The following KHDRBS3 variants were observed in gnomAD, a reference collection of about 807,000 sequenced individuals.
KHDRBS3 encodes the protein KH RNA binding domain containing, signal transduction associated 3, also known as KH domain-containing, RNA-binding, signal transduction-associated protein 3.
KHDRBS3 carries 23 observed loss-of-function variants against 45.6 expected under a neutral mutation model. The ratio of observed to expected loss-of-function variants is 0.50; its 90% CI spans 0.36 to 0.72. The LOEUF (loss-of-function observed/expected upper bound fraction) is 0.72. KHDRBS3 is among the 30% of genes least tolerant of loss of function. The probability of loss-of-function intolerance (pLI) is 0.00; values close to 1 mark genes in which losing one functional copy is unlikely to be tolerated. For missense variants in KHDRBS3, 352 were observed against 424.8 expected, an observed-to-expected ratio of 0.83 and a Z score of 1.51; for synonymous variants, 162 against 156.5, an observed-to-expected ratio of 1.04 and a Z score of -0.26.
chr8:135,647,332 T>A lies in KHDRBS3; in HGVS notation c.*248T>A. On this transcript the variant is annotated 3_prime_UTR_variant, in exon 9 of 9. Transcript: ENST00000355849. ...TCATCAAAAGGAAAAAAAATAACTT[T>A]GATTAACTAGTGTTAAACAAAAAAT... is the stretch of plus-strand genomic sequence containing the variant. 1 of 308,040 alleles carries A rather than the reference T, an allele frequency of 3.2e-6. No homozygotes were observed. Among genetic ancestry groups the A allele is most frequent in the Non-Finnish European group, 5.9e-6 (1 of 168,804 alleles). 19.1% of individuals were successfully genotyped at this position (308,040 alleles called of 1,614,324 possible).
At chr8:135,608,513 A>G (rs1264450009) in intron 7 of KHDRBS3, among the ~76,000 whole-genome samples, 1 of 152,232 alleles carries the variant, frequency 6.6e-6, no homozygotes, top group Non-Finnish European at 1.5e-5. Flanking sequence ...TGAGGAGATC[A>G]CATAACCAAG....
intron 1 of KHDRBS3, among the ~76,000 whole-genome samples, chr8:135,515,499 T>G (rs1232371112): frequency 1.3e-5 from 2 of 150,586 alleles, no homozygotes; most frequent in Non-Finnish European, 3.0e-5. Flanking sequence ...CTTTCCACCC[T>G]TCCTACTCTG....
chr8:135,504,277 T>G (rs1178261722), intron 1 of KHDRBS3, among the ~76,000 whole-genome samples: 8 of 152,246 alleles, frequency 5.3e-5, no homozygotes. Context: ...TAGGTTAATA[T>G]GCTGTTCTGG....
At chr8:135,585,805 A>T (rs1207770580) in intron 6 of KHDRBS3, among the ~76,000 whole-genome samples, 1 of 152,232 alleles carries the variant, frequency 6.6e-6, no homozygotes, top group African/African-American at 2.4e-5. Flanking sequence ...AGTTTTTGGC[A>T]CATTGTAAGC....
At chr8:135,624,239 C>T (rs1304340869) in intron 7 of KHDRBS3, among the ~76,000 whole-genome samples, 1 of 152,132 alleles carries the variant, frequency 6.6e-6, no homozygotes, top group Non-Finnish European at 1.5e-5. Flanking sequence ...ACTTCCAGCT[C>T]TAAGCAGCAA....
At chr8:135,546,456 A>C (rs1826307635) in intron 3 of KHDRBS3, among the ~76,000 whole-genome samples, 1 of 152,224 alleles carries the variant, frequency 6.6e-6, no homozygotes, top group Non-Finnish European at 1.5e-5. Context: ...GTTACATAGC[A>C]TAATAATCAT....
At chr8:135,554,941 C>G (rs1000231241) in intron 4 of KHDRBS3, among the ~76,000 whole-genome samples, 2 of 152,164 alleles carry the variant, frequency 1.3e-5, no homozygotes, top group African/African-American at 4.8e-5. Flanking sequence ...CTCTGTTCCT[C>G]CCTGCAAACT....
At chr8:135,615,562 T>C (rs534475846) in intron 7 of KHDRBS3, among the ~76,000 whole-genome samples, 16 of 152,294 alleles carry the variant, frequency 1.1e-4, no homozygotes, top group Non-Finnish European at 2.9e-5. Flanking sequence ...ACCCATATCA[T>C]TGACGTCTCA....
chr8:135,590,317 T>C (rs1828688965), intron 6 of KHDRBS3, among the ~76,000 whole-genome samples: 1 of 152,182 alleles, frequency 6.6e-6, no homozygotes, highest in African/African-American at 2.4e-5. Context: ...CAAAATGTCA[T>C]TATGTGGTAT....
intron 1 of KHDRBS3, among the ~76,000 whole-genome samples, chr8:135,515,834 TAC>T (rs1824568189): frequency 6.6e-6 from 1 of 152,234 alleles, no homozygotes; most frequent in African/African-American, 2.4e-5. Context: ...CAAAAAGAGA[TAC>T]AGTGAAAAGT....
intron 1 of KHDRBS3, among the ~76,000 whole-genome samples, chr8:135,507,689 A>G (rs564967489): frequency 6.6e-6 from 1 of 152,326 alleles, no homozygotes; most frequent in Admixed American, 6.5e-5. Context: ...TAGGCGGAGC[A>G]ATATGTAAAA....
At chr8:135,511,641 C>T (rs916453391) in intron 1 of KHDRBS3, among the ~76,000 whole-genome samples, 16 of 152,034 alleles carry the variant, frequency 1.1e-4, no homozygotes, top group South Asian at 2.1e-4. Context: ...CTGCAAGCCC[C>T]GCCTCCTGGG....
intron 7 of KHDRBS3, among the ~76,000 whole-genome samples, chr8:135,637,059 G>GT (rs1336904116): frequency 1.3e-5 from 2 of 152,170 alleles, no homozygotes; most frequent in African/African-American, 4.8e-5. Context: ...GACTTTGGCT[G>GT]TAACTCTTTT....
rs747540427 is a variant in KHDRBS3, at chr8:135,557,598, AT to A, written c.611+20del. 660 of 1,582,310 alleles carry A rather than the reference AT, an allele frequency of 4.2e-4. No homozygotes were observed. The highest frequency in any genetic ancestry group is 4.5e-4 in the Non-Finnish European group (526 of 1,158,096). On this transcript the variant is annotated intron_variant, in intron 5 of 8. Transcript: ENST00000355849. ...CCCAGCAATAACCAGGTAGGTGTAA[AT>A]TTTTTTTTAGGTTAACATACCGTGG...
intron 5 of KHDRBS3, among the ~76,000 whole-genome samples, chr8:135,558,544 A>G (rs1245544729): frequency 1.3e-5 from 2 of 152,194 alleles, no homozygotes; most frequent in African/African-American, 2.4e-5. Flanking sequence ...CAGAGCAGTT[A>G]TGCAAGAAAC....
chr8:135,539,876 CT>C (rs1487217252), intron 2 of KHDRBS3: 12 of 152,128 alleles, frequency 7.9e-5, no homozygotes, highest in Non-Finnish European at 1.5e-4. Context: ...AAAGAAACCC[CT>C]AAAGGTATAT....
intron 1 of KHDRBS3, among the ~76,000 whole-genome samples, chr8:135,512,437 G>A (rs185048968): frequency 1.6e-5 from 2 of 128,484 alleles, no homozygotes; most frequent in Admixed American, 7.9e-5. Context: ...GTCGGGGGGG[G>A]GGTAATAACT....
rs1128066 is a variant in KHDRBS3 at position 135,647,245 on chromosome 8, G to A, written c.*161G>A. 2,113 of 193,478 alleles carry A rather than the reference G, an allele frequency of 0.011. 5 individuals carry two copies. The highest frequency in any genetic ancestry group is 0.02 in the East Asian group (217 of 10,732). The allele number at this position is 193,478 out of a possible 1,614,324, so 12.0% of individuals were successfully genotyped here. On this transcript the variant is annotated 3_prime_UTR_variant, in exon 9 of 9. Transcript: ENST00000355849. ...CTTTGTTGAAACATCAACCTGGGCA[G>A]AAAAAAAAAAAAAAAGACATGTAAA...
In KHDRBS3 at chr8:135,501,868, G is replaced by A. The variant is rs1461542025; in HGVS notation, c.89-19369G>A. ...GTAATTCTCGCTTTTTGCACTCTTC[G>A]GTCCTTGGCCTTATAACGTATGAAT... On this transcript the variant is annotated intron_variant, in intron 1 of 8. Transcript: ENST00000355849. Among the ~76,000 whole-genome samples the A allele has an allele frequency of 4.6e-5, 7 of 151,878 alleles. No individual in the cohort carries two copies. The South Asian group carries it at 6.2e-4, about 13-fold the overall frequency.
Sources: gnomAD v4.1 joint callset for allele counts (sites outside exome capture counted in the v4.1 genomes callset) on GRCh38, gnomAD v4.1.1 for gene constraint, MANE v1.5 for transcripts, NCBI Gene and HGNC (gene_info 2026-07-23, HGNC 2026-07-21) for gene names.